The following FAM186B variants were observed in gnomAD, a reference collection of about 807,000 sequenced individuals.
FAM186B encodes the protein protein FAM186B.
A neutral mutation model predicts 83.4 loss-of-function variants in FAM186B; 68 were observed. That is an observed-to-expected ratio of 0.81 (90% CI 0.67 to 1.00). FAM186B has a LOEUF of 1.00. Among genes scored for constraint, FAM186B ranks in the 50% least tolerant of loss-of-function variants. The pLI is 0.00. For synonymous variants in FAM186B, 389 were observed against 422.0 expected, an observed-to-expected ratio of 0.92 and a Z score of 0.96; for missense variants, 983 against 1,099.2, an observed-to-expected ratio of 0.89 and a Z score of 1.49.
chr12:49,613,663 A>T, the FAM186B span, among the ~76,000 whole-genome samples: 1 of 151,726 alleles, frequency 6.6e-6, no homozygotes, highest in African/African-American at 2.4e-5. Context: ...ACATGGGAAA[A>T]CCCCATCTCT....
At chr12:49,621,118 C>CA in the FAM186B span, among the ~76,000 whole-genome samples, 1 of 152,236 alleles carries the variant, frequency 6.6e-6, no homozygotes, top group Non-Finnish European at 1.5e-5. Context: ...CAAAGTGACT[C>CA]ACGCCTGTAA....
chr12:49,595,219 AC>A, intron 5 of FAM186B: 1 of 632,812 alleles, frequency 1.6e-6, no homozygotes, highest in Non-Finnish European at 2.8e-6. Flanking sequence ...GATTAAGGTC[AC>A]CATTGCAGGT....
chr12:49,614,199 AC>A, the FAM186B span, among the ~76,000 whole-genome samples: 2 of 152,174 alleles, frequency 1.3e-5, no homozygotes, highest in Non-Finnish European at 2.9e-5. Context: ...CTACCATTCA[AC>A]CCAGCAATCC....
intron 4 of FAM186B, 59 bp from the exon 5 acceptor site, chr12:49,599,006 TGTTA>T: frequency 6.5e-7 from 1 of 1,532,962 alleles, no homozygotes; most frequent in Non-Finnish European, 8.9e-7. Flanking sequence ...CCCCCAAGTC[TGTTA>T]ACCAGAGATG....
At chr12:49,598,264 AAAGG>A (rs2138280106) in intron 5 of FAM186B, among the ~76,000 whole-genome samples, 1 of 152,306 alleles carries the variant, frequency 6.6e-6, no homozygotes, top group East Asian at 1.9e-4. Flanking sequence ...GGAAGTGAAC[AAAGG>A]AAGAAGAGAC....
rs1465714602 is a variant in FAM186B, at chr12:49,588,609, C to T, written c.2379G>A (p.Trp793Ter). 6.3e-7 allele frequency: 1 copy of T among 1,586,748 alleles called. No homozygotes were observed. Among genetic ancestry groups the T allele is most frequent in the South Asian group, 1.1e-5 (1 of 87,692 alleles). ...CCTCAGGGATGTTCAGGTGAACGTTCCACTCCAGCTGGAGCTAGAGGAACC... is the reference window on the plus strand; with the variant it reads ...CCTCAGGGATGTTCAGGTGAACGTTTCACTCCAGCTGGAGCTAGAGGAACC... ...VTMFPKLQLE[W>*]NVHLNIPEVT... is the part of the protein sequence containing the mutation. Residue 793 changes from tryptophan to a stop codon, truncating the protein, a stop_gained, in exon 6 of 7, where the codon TGG (tryptophan) becomes TGA (stop). Coordinates refer to ENST00000257894, the MANE Select transcript of FAM186B (RefSeq NM_032130.3). LOFTEE classifies it high-confidence loss of function.
intron 5 of FAM186B, among the ~76,000 whole-genome samples, chr12:49,593,916 CTG>C (rs1939648972): frequency 6.6e-6 from 1 of 152,186 alleles, no homozygotes; most frequent in African/African-American, 2.4e-5. Context: ...ACCTATAAAA[CTG>C]AAATAAATAG....
chr12:49,595,108 A>G, intron 5 of FAM186B: 1 of 351,260 alleles, frequency 2.8e-6, no homozygotes, highest in Admixed American at 3.3e-5. Context: ...CAATAGCATG[A>G]AAACATATAA....
upstream of FAM186B, among the ~76,000 whole-genome samples, chr12:49,607,411 A>G (rs1050724224): frequency 2.0e-5 from 3 of 152,098 alleles, no homozygotes; most frequent in Non-Finnish European, 2.9e-5. Context: ...TTATGCCAAT[A>G]AAGTTGGTAA....
intron 5 of FAM186B, among the ~76,000 whole-genome samples, chr12:49,594,752 G>A (rs1364934224): frequency 6.6e-6 from 1 of 152,148 alleles, no homozygotes; most frequent in Non-Finnish European, 1.5e-5. Context: ...GCGCATGCCT[G>A]TAATCCCAGA....
At chr12:49,619,436 G>C in the FAM186B span, 1 of 570,550 alleles carries the variant, frequency 1.8e-6, no homozygotes, top group Non-Finnish European at 3.2e-6. Context: ...TGGAATGGCA[G>C]GTTTTGCAGC....
intron 5 of FAM186B, chr12:49,595,619 T>G: frequency 2.4e-6 from 1 of 414,260 alleles, no homozygotes; most frequent in East Asian, 6.2e-5. Flanking sequence ...AGTTTGTGAT[T>G]ACAATTGTTG....
chr12:49,600,047 C>T lies in FAM186B; in HGVS notation c.1593G>A (p.Gln531=). The change falls in exon 4 of 7, where the codon CAG becomes CAA. Residue 531 remains glutamine, a synonymous_variant. Coordinates refer to ENST00000257894, the MANE Select transcript of FAM186B (RefSeq NM_032130.3). This position sits in a 1 kb window ranked among gnomAD's most constrained non-coding sequence, Gnocchi z 4.3. ...WNLEDLAREQ[Q]RRWVQLEKEQ... is the part of the protein sequence containing the mutation. ...CCTTTTCTAGCTGGACCCATCTCCG[C>T]TGTTGCTCCCTGGCCAGGTCTTCCA... 1 of 1,606,020 alleles carries T rather than the reference C, an allele frequency of 6.2e-7. No individual in the cohort carries two copies. Among genetic ancestry groups the T allele is most frequent in the East Asian group, 2.2e-5 (1 of 44,812 alleles).
chr12:49,584,493 G>T, downstream of FAM186B: 1 of 702,288 alleles, frequency 1.4e-6, no homozygotes, highest in African/African-American at 1.7e-5. Context: ...TGGAGACTGG[G>T]GCTGTCTTGA....
At chr12:49,587,382 A>G, downstream of FAM186B, 1 of 590,230 alleles carries the variant, frequency 1.7e-6, no homozygotes, top group Non-Finnish European at 3.0e-6. Flanking sequence ...CCTCTGAGAC[A>G]CTAAGGAAAC....
At chr12:49,598,022 C>G (rs112631512) in intron 5 of FAM186B, among the ~76,000 whole-genome samples, 1 of 152,118 alleles carries the variant, frequency 6.6e-6, no homozygotes, top group South Asian at 2.1e-4. Context: ...ATTGTGCCAC[C>G]GCACTCCAGC....
rs1351083904 is a variant in FAM186B at position 49,587,719 on chromosome 12, C to T, written c.2568G>A (p.Lys856=). 6.2e-7 allele frequency: 1 copy of T among 1,613,962 alleles called. No homozygotes were observed. The highest frequency in any genetic ancestry group is 1.3e-5 in the African/African-American group (1 of 74,912). ...QQGKQMEAVW[K]TEVASSSYAI... is the part of the protein sequence containing the mutation. ...CGTAACTGGAGGAGGCCACCTCGGT[C>T]TTCCAGACAGCCTCCATCTGCTTCC... The change falls in exon 7 of 7, where the codon AAG becomes AAA. Residue 856 remains lysine (K), a synonymous_variant. Transcript: ENST00000257894.
the FAM186B span, among the ~76,000 whole-genome samples, chr12:49,618,343 GA>G: frequency 7.9e-4 from 110 of 139,380 alleles, no homozygotes; most frequent in South Asian, 1.4e-3. Flanking sequence ...GACTCCGTCT[GA>G]AAAAAAAAAA....
chr12:49,601,285 G>A, intron 3 of FAM186B, 151 bp from the exon 4 acceptor site: 1 of 1,132,646 alleles, frequency 8.8e-7, no homozygotes, highest in Non-Finnish European at 1.2e-6. Flanking sequence ...CAGGGACAGT[G>A]CTGTCAGGAC....
Sources: allele counts gnomAD v4.1 joint callset (sites outside exome capture counted in the v4.1 genomes callset), GRCh38; gene constraint gnomAD v4.1.1; non-coding constraint Gnocchi (gnomAD v3.1); transcripts MANE v1.5; gene names NCBI Gene and HGNC (gene_info 2026-07-23, HGNC 2026-07-21).